The following SPOCD1 variants were observed in gnomAD, a reference collection of about 807,000 sequenced individuals.
SPOCD1 encodes the protein SPOC domain-containing protein 1.
A neutral mutation model predicts 92.2 loss-of-function variants in SPOCD1; 64 were observed. That is an observed-to-expected ratio of 0.69 (90% CI 0.57 to 0.86). The LOEUF (loss-of-function observed/expected upper bound fraction) is 0.86, where lower values mean the gene tolerates loss of function less well. Among genes scored for constraint, SPOCD1 ranks in the 40% least tolerant of loss-of-function variants. SPOCD1 has a pLI of 0.00. For synonymous variants in SPOCD1, 578 were observed against 619.3 expected (o/e 0.93, Z 0.99); for missense variants, 1,360 against 1,543.1 (o/e 0.88, Z 1.99).
At position 31,791,171 on chromosome 1, in the gene SPOCD1, G is replaced by C. The variant is rs749444572; in HGVS notation, c.3083C>G (p.Pro1028Arg). 6.2e-7 allele frequency: 1 copy of C among 1,612,808 alleles called. No homozygotes were observed. Among genetic ancestry groups the C allele is most frequent in the African/African-American group, 1.3e-5 (1 of 74,934 alleles). ...EGLPDTAGSS[P>R]WLGKVQKMVS... Reference sequence around the variant, plus strand: ...CATCTTTTGAACCTTCCCCAACCAGGGGCTGGACCCTGCTGTGTCTGGAAG... The same window carrying C: ...CATCTTTTGAACCTTCCCCAACCAGCGGCTGGACCCTGCTGTGTCTGGAAG... The change falls in exon 16 of 16, where the codon CCC (proline) becomes CGC (arginine). Residue 1028 changes from proline (P) to arginine (R), a missense_variant. Pro to Arg is a moderately radical substitution (Grantham distance 103). Coordinates refer to ENST00000360482, the MANE Select transcript of SPOCD1 (RefSeq NM_144569.7).
chr1:31,794,270 C>T (rs751888418), intron 10 of SPOCD1, 35 bp from the exon 11 acceptor site: 123 of 1,566,332 alleles, frequency 7.9e-5, no homozygotes, highest in Non-Finnish European at 9.8e-5. Flanking sequence ...AGGCTGAAAA[C>T]GTGGCTGGGG....
Position 31,800,595 on chromosome 1 carries a change from T to C in SPOCD1, c.1448A>G (p.Gln483Arg), listed in dbSNP as rs1648392461. The C allele has an allele frequency of 6.2e-7, 1 of 1,608,382 alleles. No individual in the cohort carries two copies. The highest frequency in any genetic ancestry group is 8.5e-7 in the Non-Finnish European group (1 of 1,177,174). ...VCYLGSGPVI[Q>R]LLGAISHGQA... ...GCCGTGGCTGATGGCCCCCAGGAGC[T>C]GGATCACTGGCCCGGAACCCAGCTG... Residue 483 changes from glutamine (Q) to arginine (R), a missense_variant, in exon 4 of 16, where the codon CAG becomes CGG. By Grantham distance (43) the Gln-to-Arg change is conservative (BLOSUM62 1). Coordinates refer to ENST00000360482, the MANE Select transcript of SPOCD1 (RefSeq NM_144569.7).
rs765605637 is a variant in SPOCD1, at chr1:31,798,664, A to C, written c.1869-63T>G. 2 of 1,558,286 alleles carry C rather than the reference A, an allele frequency of 1.3e-6. No homozygotes were observed. The highest frequency in any genetic ancestry group is 2.7e-5 in the African/African-American group (2 of 73,800). Reference sequence around the variant, plus strand: ...GGAGGCTCTCCAGGCACTTAGTCCCAGAGGGAGGCAGCTGGGTGGGCGGCA... The same window carrying C: ...GGAGGCTCTCCAGGCACTTAGTCCCCGAGGGAGGCAGCTGGGTGGGCGGCA... On this transcript the variant is annotated intron_variant, in intron 7 of 15. Coordinates refer to ENST00000360482, the MANE Select transcript of SPOCD1 (RefSeq NM_144569.7). This position sits in a 1 kb window ranked among gnomAD's most constrained non-coding sequence, Gnocchi z 4.1.
intron 2 of SPOCD1, among the ~76,000 whole-genome samples, chr1:31,810,219 C>T (rs1649109101): frequency 6.6e-6 from 1 of 152,080 alleles, no homozygotes; most frequent in Non-Finnish European, 1.5e-5. Flanking sequence ...AATAAAGCCC[C>T]GTGAACAGTC....
chr1:31,791,018 G>C lies in SPOCD1; in HGVS notation c.3236C>G (p.Ala1079Gly). ...WQQSQGRGSI[A>G]PRGISAWQRP... ...CTGCCAAGCAGAGATTCCCCTTGGAGCTATACTGCCCCTGCCCTGGCTCTG... is the reference window on the plus strand; with the variant it reads ...CTGCCAAGCAGAGATTCCCCTTGGACCTATACTGCCCCTGCCCTGGCTCTG... The change falls in exon 16 of 16, where the codon GCT becomes GGT. Residue 1079 changes from alanine to glycine, a missense_variant. This residue lies in a region of SPOCD1 where 614 missense variants were observed against 757.8 expected (regional missense o/e 0.81). Coordinates refer to ENST00000360482, the MANE Select transcript of SPOCD1 (RefSeq NM_144569.7). The C allele has an allele frequency of 6.2e-7, 1 of 1,608,872 alleles. No individual in the cohort carries two copies. The highest frequency in any genetic ancestry group is 8.5e-7 in the Non-Finnish European group (1 of 1,177,896).
Position 31,796,149 on chromosome 1 carries a change from G to T in SPOCD1, c.2271+441C>A, listed in dbSNP as rs200650387. 13 of 278,278 alleles carry T rather than the reference G, an allele frequency of 4.7e-5. No homozygotes were observed. The East Asian group carries it at 5.9e-4, about 13-fold the overall frequency. The allele number at this position is 278,278 out of a possible 1,614,324, so 17.2% of individuals were successfully genotyped here. A position where few individuals can be genotyped will look rare whatever the true frequency, so the allele number is the denominator to read the frequency against. On this transcript the variant is annotated intron_variant, in intron 10 of 15. Transcript: ENST00000360482. ...ACAAGTTCCAGGAGGCCCTCTGGAT[G>T]GACTGCCAGGGTGCCGGGTGGTTCC...
rs767953364 is a variant in SPOCD1, at chr1:31,814,457, C to A, written c.877G>T (p.Asp293Tyr). The stretch of plus-strand genomic sequence containing the variant: ...CAGGGGCTGCCTGGCTGGGGCCCAT[C>A]CCCTGTAGCGGGCAAATATCCAAAT... ...EKFGYLPATGDGPQPGSPCGP... is the reference protein window; with the variant it reads ...EKFGYLPATGYGPQPGSPCGP... Residue 293 changes from aspartate (D) to tyrosine (Y), a missense_variant, in exon 2 of 16, where the codon GAT becomes TAT. This residue lies in a region of SPOCD1 where 606 missense variants were observed against 601.5 expected (regional missense o/e 1.01). Transcript: ENST00000360482. This position sits in a 1 kb window ranked among gnomAD's most constrained non-coding sequence, Gnocchi z 4.2. The A allele has an allele frequency of 1.9e-6, 3 of 1,589,398 alleles. No individual in the cohort carries two copies. Among genetic ancestry groups the A allele is most frequent in the South Asian group, 2.3e-5 (2 of 88,628 alleles).
chr1:31,815,784 C>T (rs930016175), intron 1 of SPOCD1, 177 bp downstream of exon 1: 7 of 155,804 alleles, frequency 4.5e-5, no homozygotes, highest in Admixed American at 6.5e-5. Context: ...GAGTCTCTCT[C>T]CCAGTTCTCA....
At position 31,790,569 on chromosome 1, in the gene SPOCD1, G is replaced by A. The variant is rs1346003395; in HGVS notation, c.*34C>T. 1.3e-6 allele frequency: 2 copies of A among 1,531,548 alleles called. No homozygotes were observed. The highest frequency in any genetic ancestry group is 1.4e-5 in the African/African-American group (1 of 72,776). 94.9% of individuals were successfully genotyped at this position (1,531,548 alleles called of 1,614,324 possible). A position where few individuals can be genotyped will look rare whatever the true frequency, so the allele number is the denominator to read the frequency against. Reference sequence around the variant, plus strand: ...GGAACAGGCTTCAACACTAGTGAGGGCATCAAAACCCCTGTTCTGGTGGGT... The same window carrying A: ...GGAACAGGCTTCAACACTAGTGAGGACATCAAAACCCCTGTTCTGGTGGGT... On this transcript the variant is annotated 3_prime_UTR_variant, in exon 16 of 16. Transcript: ENST00000360482.
In SPOCD1 at chr1:31,793,254, C is replaced by A. The variant is rs576897251; in HGVS notation, c.2685+24G>T. On this transcript the variant is annotated intron_variant, in intron 13 of 15. Coordinates refer to ENST00000360482, the MANE Select transcript of SPOCD1 (RefSeq NM_144569.7). ...TGGGCTGGTCAGTGTGTAAGGGAATCCCTGGCGAGGAGGGCAGGTGCACCT... is the reference window on the plus strand; with the variant it reads ...TGGGCTGGTCAGTGTGTAAGGGAATACCTGGCGAGGAGGGCAGGTGCACCT... The A allele has an allele frequency of 4.4e-6, 7 of 1,573,588 alleles. No individual in the cohort carries two copies. The South Asian group carries it at 8.1e-5, about 18-fold the overall frequency.
At chr1:31,805,408 G>A (rs1028810708) in intron 2 of SPOCD1, among the ~76,000 whole-genome samples, 5 of 152,150 alleles carry the variant, frequency 3.3e-5, no homozygotes, top group African/African-American at 1.2e-4. Flanking sequence ...AAGGGAGAAA[G>A]TGCTGAAATG....
chr1:31,812,973 GTCT>G (rs1194689770), intron 2 of SPOCD1, among the ~76,000 whole-genome samples: 2 of 152,166 alleles, frequency 1.3e-5, no homozygotes, highest in East Asian at 1.9e-4. Context: ...AACAAGTAGA[GTCT>G]TCTTCTGCCT....
rs1207433481 is a variant in SPOCD1, at chr1:31,804,985, C to CTTTTTTTTTTTTTTTTTTTTTTTTTTT, written c.1384-3281_1384-3280insAAAAAAAAAAAAAAAAAAAAAAAAAAA. Among the ~76,000 whole-genome samples the CTTTTTTTTTTTTTTTTTTTTTTTTTTT allele has an allele frequency of 1.5e-4, 16 of 105,916 alleles. 1 individual carries two copies. The highest frequency in any genetic ancestry group is 3.5e-4 in the South Asian group (1 of 2,860). 69.5% of individuals were successfully genotyped at this position (105,916 alleles called of 152,430 possible). On this transcript the variant is annotated intron_variant, in intron 2 of 15. Coordinates refer to ENST00000360482, the MANE Select transcript of SPOCD1 (RefSeq NM_144569.7). ...AAATTTCTTTTTTCTTTCTTTCTTT[C>CTTTTTTTTTTTTTTTTTTTTTTTTTTT]TTTTTTTTTTTTTTGAGATGGAGTC...
chr1:31,799,723 G>A, intron 6 of SPOCD1, 86 bp downstream of exon 6: 1 of 1,498,154 alleles, frequency 6.7e-7, no homozygotes. Flanking sequence ...ATCATAGCAG[G>A]GGCTGGGCCC....
At chr1:31,813,170 C>T (rs373247649) in intron 2 of SPOCD1, among the ~76,000 whole-genome samples, 1 of 152,212 alleles carries the variant, frequency 6.6e-6, no homozygotes, top group African/African-American at 2.4e-5. Flanking sequence ...ATGGGGCTAA[C>T]GCCTATCTTA....
At position 31,793,761 on chromosome 1, in the gene SPOCD1, C is replaced by T. The variant is rs779175134; in HGVS notation, c.2520G>A (p.Thr840=). ...EMPKTRELSP[T]EPQDRVPPSG... ...CAACCCCACACCTGTCCTGTGGTTC[C>T]GTGGGAGACAACTCCCTGGTTTTGG... The change falls in exon 12 of 16, where the codon ACG becomes ACA. Residue 840 remains threonine (T), a synonymous_variant. Coordinates refer to ENST00000360482, the MANE Select transcript of SPOCD1 (RefSeq NM_144569.7). The T allele has an allele frequency of 3.7e-6, 6 of 1,614,178 alleles. No homozygotes were observed. The highest frequency in any genetic ancestry group is 2.2e-5 in the East Asian group (1 of 44,888).
At chr1:31,803,750 G>A (rs560919676) in intron 2 of SPOCD1, among the ~76,000 whole-genome samples, 6 of 149,780 alleles carry the variant, frequency 4.0e-5, no homozygotes, top group African/African-American at 1.5e-4. Context: ...CAAAATAAAG[G>A]AAAGGAAAGG....
In SPOCD1 at chr1:31,814,278, A is replaced by C. The variant is rs1416947075; in HGVS notation, c.1056T>G (p.Asp352Glu). ...GGTCCTGTGCTGGAGCCTGGCCTTC[A>C]TCGCTGCCAGTCCGCACGACACACA... Reference protein sequence around the residue: ...EAVCVVRTGSDEGQAPAQDQE... With the variant: ...EAVCVVRTGSEEGQAPAQDQE... Residue 352 changes from aspartate to glutamate, a missense_variant, in exon 2 of 16, where the codon GAT becomes GAG. Physicochemically the swap from Asp to Glu is conservative, Grantham distance 45 (BLOSUM62 2). Transcript: ENST00000360482. This position sits in a 1 kb window ranked among gnomAD's most constrained non-coding sequence, Gnocchi z 4.2. 6.3e-7 allele frequency: 1 copy of C among 1,580,674 alleles called. No individual in the cohort carries two copies.
At chr1:31,794,004 G>A (rs1647810934) in intron 11 of SPOCD1, 107 bp from the exon 12 acceptor site, 1 of 1,509,468 alleles carries the variant, frequency 6.6e-7, no homozygotes. Flanking sequence ...GGTGACCTGG[G>A]GCACGGGCAC....
Sources: gnomAD v4.1 joint callset for allele counts (sites outside exome capture counted in the v4.1 genomes callset) on GRCh38, gnomAD v4.1.1 for gene constraint, gnomAD v4.1.1 regional missense constraint, Gnocchi (gnomAD v3.1) non-coding constraint, MANE v1.5 for transcripts, NCBI Gene and HGNC (gene_info 2026-07-23, HGNC 2026-07-21) for gene names.